PCDHA3: variants seen among roughly 807,000 people sequenced by gnomAD.
PCDHA3 encodes protocadherin alpha-3.
A neutral mutation model predicts 62.2 loss-of-function variants in PCDHA3; 41 were observed. That is an observed-to-expected ratio of 0.66 (90% CI 0.51 to 0.86). The LOEUF is 0.86. PCDHA3 is among the 40% of genes least tolerant of loss of function. The pLI is 0.00. For missense variants in PCDHA3, 1,304 were observed against 1,241.2 expected (o/e 1.05, Z -0.76); for synonymous variants, 640 against 555.4 (o/e 1.15, Z -2.14).
chr5:140,928,563 T>C lies in PCDHA3; in HGVS notation c.2395-50386T>C, dbSNP rs138980511. 9.3e-4 allele frequency: 1,498 copies of C among 1,614,116 alleles called. 1 individual carries two copies. Among genetic ancestry groups the C allele is most frequent in the Non-Finnish European group, 1.2e-3 (1,397 of 1,180,050 alleles). On this transcript the variant is annotated intron_variant, in intron 1 of 3. Coordinates refer to ENST00000522353, the MANE Select transcript of PCDHA3 (RefSeq NM_018906.3). ...ATGACAATTATCCGGTTATCTTGTT[T>C]CCCTTGCCCAGAAATGGTTCTGTCC...
In PCDHA3 at chr5:140,857,593, G is replaced by C. The variant is rs782606088; in HGVS notation, c.2394+54002G>C. ...TGTCGGTGCACGCGGAGAGCGGCAAGGTGTACGCGCTGCAGCCGCTGGACC... is the reference window on the plus strand; with the variant it reads ...TGTCGGTGCACGCGGAGAGCGGCAACGTGTACGCGCTGCAGCCGCTGGACC... On this transcript the variant is annotated intron_variant, in intron 1 of 3. Coordinates refer to ENST00000522353, the MANE Select transcript of PCDHA3 (RefSeq NM_018906.3). 2.5e-6 allele frequency: 4 copies of C among 1,596,536 alleles called. No individual in the cohort carries two copies. The East Asian group carries it at 6.7e-5, about 27-fold the overall frequency.
intron 3 of PCDHA3, among the ~76,000 whole-genome samples, chr5:140,996,163 A>G (rs183777507): frequency 4.8e-4 from 73 of 152,326 alleles, no homozygotes; most frequent in African/African-American, 1.5e-3. Flanking sequence ...TTATACTGCA[A>G]TGTGCTGACA....
intron 1 of PCDHA3, chr5:140,807,895 T>A (rs141163311): frequency 9.3e-6 from 15 of 1,613,994 alleles, no homozygotes; most frequent in African/African-American, 4.0e-5. Flanking sequence ...TGGATGCCAA[T>A]GACAATGCCC....
intron 1 of PCDHA3, chr5:140,821,825 G>A: frequency 6.2e-7 from 1 of 1,614,132 alleles, no homozygotes; most frequent in South Asian, 1.1e-5. Context: ...CTGCTGCTCT[G>A]GCTTCTCCTT....
At chr5:140,843,662 G>T in intron 1 of PCDHA3, 1 of 1,593,858 alleles carries the variant, frequency 6.3e-7, no homozygotes, top group South Asian at 1.1e-5. Flanking sequence ...TCCTGATCTG[G>T]GATCAGTTGA....
At chr5:141,002,435 C>A (rs958320342) in intron 3 of PCDHA3, among the ~76,000 whole-genome samples, 3 of 152,280 alleles carry the variant, frequency 2.0e-5, no homozygotes, top group South Asian at 2.1e-4. Flanking sequence ...AGGCAATAAC[C>A]ATAATAATTG....
chr5:140,821,661 C>A, intron 1 of PCDHA3: 1 of 1,207,804 alleles, frequency 8.3e-7, no homozygotes, highest in Non-Finnish European at 1.2e-6. Flanking sequence ...TTTGGCTGTG[C>A]CAAGAAGCTC....
chr5:140,827,969 T>A, intron 1 of PCDHA3: 1 of 1,373,188 alleles, frequency 7.3e-7, no homozygotes, highest in East Asian at 2.3e-5. Context: ...TATTACTGCA[T>A]CATTCCCTGA....
chr5:140,972,660 ATTTT>A (rs11350929), intron 1 of PCDHA3, among the ~76,000 whole-genome samples: 1 of 117,264 alleles, frequency 8.5e-6, no homozygotes. Flanking sequence ...AAGAAACCAA[ATTTT>A]TTTTTTTTTT....
intron 1 of PCDHA3, chr5:140,805,607 C>T (rs1367346040): frequency 2.7e-5 from 25 of 920,858 alleles, no homozygotes; most frequent in Non-Finnish European, 3.0e-5. Context: ...TATTAAATTT[C>T]TTTATGTAAG....
At chr5:140,855,432 A>T (rs2043465166) in intron 1 of PCDHA3, among the ~76,000 whole-genome samples, 1 of 150,022 alleles carries the variant, frequency 6.7e-6, no homozygotes, top group Non-Finnish European at 1.5e-5. Context: ...TCTAGTGATG[A>T]CTAGATCTTC....
At chr5:140,836,003 G>C (rs1456412206) in intron 1 of PCDHA3, 7 of 1,613,210 alleles carry the variant, frequency 4.3e-6, no homozygotes, top group East Asian at 2.2e-5. Flanking sequence ...CGCGCGATGC[G>C]GGCGTGCCGC....
intron 1 of PCDHA3, chr5:140,881,309 G>C (rs535656328): frequency 1.0e-6 from 1 of 975,612 alleles, no homozygotes; most frequent in East Asian, 1.1e-4. Context: ...TTAACCTCCT[G>C]GTTAAATTCT....
At chr5:140,809,043 G>A (rs1311161177) in intron 1 of PCDHA3, 1 of 1,613,854 alleles carries the variant, frequency 6.2e-7, no homozygotes, top group Non-Finnish European at 8.5e-7. Context: ...GGTGGCGCGC[G>A]CATCCCGTTC....
In PCDHA3 at chr5:140,857,548, G is replaced by C. The variant is rs782667639; in HGVS notation, c.2394+53957G>C. Reference sequence around the variant, plus strand: ...CTCTGGTGGAGCGGCGGTTGGGCGAGCGCTCGCTGTCGAGCTACGTGTCGG... The same window carrying C: ...CTCTGGTGGAGCGGCGGTTGGGCGACCGCTCGCTGTCGAGCTACGTGTCGG... On this transcript the variant is annotated intron_variant, in intron 1 of 3. Coordinates refer to ENST00000522353, the MANE Select transcript of PCDHA3 (RefSeq NM_018906.3). The C allele has an allele frequency of 5.1e-5, 81 of 1,596,888 alleles. 3 individuals are homozygous for C. In the Middle Eastern group the frequency reaches 9.5e-4, roughly 19 times the overall value.
At chr5:140,945,761 G>T (rs2093839627) in intron 1 of PCDHA3, among the ~76,000 whole-genome samples, 1 of 152,118 alleles carries the variant, frequency 6.6e-6, no homozygotes, top group East Asian at 1.9e-4. Flanking sequence ...AATGGTGGTG[G>T]GACAATTTGA....
At chr5:140,872,614 T>G (rs1001550468) in intron 1 of PCDHA3, among the ~76,000 whole-genome samples, 1 of 152,320 alleles carries the variant, frequency 6.6e-6, no homozygotes, top group Admixed American at 6.5e-5. Flanking sequence ...TAATTTTTTT[T>G]GCCTGTTCTT....
At chr5:140,867,525 TA>T (rs2050008799) in intron 1 of PCDHA3, 4 of 152,102 alleles carry the variant, frequency 2.6e-5, no homozygotes, top group Admixed American at 2.6e-4. Context: ...AATAGTTGAA[TA>T]TATATATAAA....
chr5:140,808,653 T>C (rs1554124677), intron 1 of PCDHA3: 2 of 1,613,224 alleles, frequency 1.2e-6, no homozygotes, highest in Admixed American at 1.7e-5. Flanking sequence ...GAGAACGCGC[T>C]GGTGTCCTAC....
Sources: gnomAD v4.1 joint callset for allele counts (sites outside exome capture counted in the v4.1 genomes callset) on GRCh38, gnomAD v4.1.1 for gene constraint, MANE v1.5 for transcripts, NCBI Gene and HGNC (gene_info 2026-07-23, HGNC 2026-07-21) for gene names.